Variants in CFAP299 observed in about 807,000 individuals in gnomAD.
The protein encoded by CFAP299 is cilia and flagella associated protein 299.
A neutral mutation model predicts 27.0 loss-of-function variants in CFAP299; 21 were observed. The ratio of observed to expected loss-of-function variants is 0.78; its 90% CI spans 0.55 to 1.12. The LOEUF (loss-of-function observed/expected upper bound fraction) is 1.12. Ranked by LOEUF, CFAP299 falls within the 50% of genes most tolerant of loss-of-function variation. The pLI is 0.00. For missense variants in CFAP299, 310 were observed against 276.6 expected (o/e 1.12, Z -0.86); for synonymous variants, 104 against 98.1 (o/e 1.06, Z -0.36).
intron 2 of CFAP299, among the ~76,000 whole-genome samples, chr4:80,397,755 C>T (rs960388377): frequency 6.6e-6 from 1 of 152,182 alleles, no homozygotes; most frequent in East Asian, 1.9e-4. Flanking sequence ...AAACTGGAAG[C>T]ATTCCCTTTG....
chr4:80,866,104 A>C, intron 3 of CFAP299, among the ~76,000 whole-genome samples: 1 of 44,866 alleles, frequency 2.2e-5, no homozygotes, highest in East Asian at 9.7e-4. Context: ...TATCTTCCCA[A>C]ATCTTCTTAT....
chr4:80,656,495 G>A (rs1740563619), intron 3 of CFAP299, among the ~76,000 whole-genome samples: 1 of 152,084 alleles, frequency 6.6e-6, no homozygotes, highest in Non-Finnish European at 1.5e-5. Flanking sequence ...CTGTTCCTGT[G>A]TTAGTTTGCT....
chr4:80,330,377 TTAAA>T, the CFAP299 span, among the ~76,000 whole-genome samples: 1 of 152,186 alleles, frequency 6.6e-6, no homozygotes, highest in Non-Finnish European at 1.5e-5. Context: ...TTAAAGCTTC[TTAAA>T]TAGACAGACC....
intron 2 of CFAP299, among the ~76,000 whole-genome samples, chr4:80,415,182 C>T (rs968101712): frequency 1.3e-5 from 2 of 152,120 alleles, no homozygotes; most frequent in African/African-American, 4.8e-5. Context: ...GGTAATGTTA[C>T]AACTGTGGCA....
chr4:80,592,721 G>A lies in CFAP299; in HGVS notation c.333+9538G>A, dbSNP rs138198800. 3.6e-3 allele frequency among the ~76,000 whole-genome samples: 550 copies of A among 152,304 alleles called. 3 individuals are homozygous for A. Among genetic ancestry groups the A allele is most frequent in the African/African-American group, 0.012 (512 of 41,578 alleles). On this transcript the variant is annotated intron_variant, in intron 3 of 5. Coordinates refer to ENST00000358105, the MANE Select transcript of CFAP299 (RefSeq NM_152770.3). ...TGGCTCAATCTATTTTGCAAAGCAT[G>A]ATGGTGAATTTGGCAGAAAACACTG... is the stretch of plus-strand genomic sequence containing the variant.
chr4:80,726,550 G>A (rs945997959), intron 3 of CFAP299, among the ~76,000 whole-genome samples: 1 of 151,858 alleles, frequency 6.6e-6, no homozygotes, highest in African/African-American at 2.4e-5. Context: ...ATAATGGAAA[G>A]GAAAAGAAAC....
intron 2 of CFAP299, among the ~76,000 whole-genome samples, chr4:80,481,615 G>A (rs1328895342): frequency 1.3e-5 from 2 of 152,010 alleles, no homozygotes; most frequent in African/African-American, 4.8e-5. Context: ...GGAGCTTACA[G>A]ACCTCGTCTT....
intron 2 of CFAP299, among the ~76,000 whole-genome samples, chr4:80,365,535 A>G (rs60660007): frequency 0.028 from 4,264 of 152,320 alleles, 212 homozygotes; most frequent in African/African-American, 0.097. Flanking sequence ...GGTAATTTAT[A>G]TAAAATCTCA....
At position 80,420,099 on chromosome 4, in the gene CFAP299, A is replaced by AG; in HGVS notation, c.242+57220dup. On this transcript the variant is annotated intron_variant, in intron 2 of 5. Coordinates refer to ENST00000358105, the MANE Select transcript of CFAP299 (RefSeq NM_152770.3). ...TTATGGTGGCAGAATAGATCATGGG[A>AG]GGGGGAGAAGAGCAGGCCTGTGTAG... 7.0e-6 allele frequency: 3 copies of AG among 428,394 alleles called. 1 individual carries two copies. The highest frequency in any genetic ancestry group is 5.1e-5 in the South Asian group (3 of 59,244). The allele number at this position is 428,394 out of a possible 1,614,324, so 26.5% of individuals were successfully genotyped here. A position where few individuals can be genotyped will look rare whatever the true frequency, so the allele number is the denominator to read the frequency against.
chr4:80,782,639 T>TGGGTGC (rs1221045779), intron 3 of CFAP299, among the ~76,000 whole-genome samples: 14 of 110,848 alleles, frequency 1.3e-4, no homozygotes, highest in African/African-American at 2.0e-4. Flanking sequence ...ATATATAATA[T>TGGGTGC]ACATATATGA....
intron 3 of CFAP299, among the ~76,000 whole-genome samples, chr4:80,663,740 A>G (rs1291872946): frequency 1.3e-5 from 2 of 152,176 alleles, no homozygotes; most frequent in Non-Finnish European, 1.5e-5. Context: ...GAACTAAGGT[A>G]CACTCCCACC....
chr4:80,333,428 T>C (rs545237358), upstream of CFAP299, among the ~76,000 whole-genome samples: 180 of 152,328 alleles, frequency 1.2e-3, no homozygotes, highest in South Asian at 2.9e-3. Flanking sequence ...TACAATATGA[T>C]AACATATTAA....
intron 3 of CFAP299, among the ~76,000 whole-genome samples, chr4:80,738,116 G>A (rs1014381015): frequency 6.6e-6 from 1 of 152,022 alleles, no homozygotes; most frequent in Non-Finnish European, 1.5e-5. Context: ...TCAATTTTTT[G>A]AATGTTTTAA....
At position 80,716,486 on chromosome 4, in the gene CFAP299, G is replaced by A. The variant is rs1179320990; in HGVS notation, c.333+133303G>A. Among the ~76,000 whole-genome samples, 3 of 151,812 alleles carry A rather than the reference G, an allele frequency of 2.0e-5. No individual in the cohort carries two copies. In the South Asian group the frequency reaches 6.2e-4, roughly 32 times the overall value. On this transcript the variant is annotated intron_variant, in intron 3 of 5. Coordinates refer to ENST00000358105, the MANE Select transcript of CFAP299 (RefSeq NM_152770.3). Reference sequence around the variant, plus strand: ...ACTGATGACACATGATACACCCATGGAAAAACACACACAATCAAATTGTGC... The same window carrying A: ...ACTGATGACACATGATACACCCATGAAAAAACACACACAATCAAATTGTGC...
intron 2 of CFAP299, among the ~76,000 whole-genome samples, chr4:80,563,315 A>C (rs1459631352): frequency 6.6e-6 from 1 of 152,162 alleles, no homozygotes; most frequent in Non-Finnish European, 1.5e-5. Context: ...CAAGTCTTAA[A>C]ACATTCAAAA....
At chr4:80,593,676 A>G (rs1452286233) in intron 3 of CFAP299, among the ~76,000 whole-genome samples, 2 of 151,920 alleles carry the variant, frequency 1.3e-5, no homozygotes, top group East Asian at 3.9e-4. Context: ...ATTTTTGTCT[A>G]CTGATTTTGT....
chr4:80,962,985 A>G (rs1738419976), intron 5 of CFAP299, among the ~76,000 whole-genome samples: 1 of 152,036 alleles, frequency 6.6e-6, no homozygotes, highest in Non-Finnish European at 1.5e-5. Flanking sequence ...TTTTTAAAAA[A>G]GATGAAATCC....
the CFAP299 span, among the ~76,000 whole-genome samples, chr4:80,325,093 A>G: frequency 2.0e-5 from 3 of 152,282 alleles, no homozygotes; most frequent in Non-Finnish European, 2.9e-5. Context: ...ACTGCACTGT[A>G]GCCTAGGTGA....
chr4:80,871,373 C>T (rs1390155274), intron 4 of CFAP299: 5 of 985,282 alleles, frequency 5.1e-6, no homozygotes, highest in African/African-American at 3.5e-5. Context: ...TTTTTCACTG[C>T]ACTTGTAGCT....
Sources: allele counts gnomAD v4.1 joint callset (sites outside exome capture counted in the v4.1 genomes callset), GRCh38; gene constraint gnomAD v4.1.1; transcripts MANE v1.5; gene names NCBI Gene and HGNC (gene_info 2026-07-23, HGNC 2026-07-21).